Variants in PREX2 observed in about 807,000 individuals in gnomAD.
PREX2 encodes phosphatidylinositol 3,4,5-trisphosphate-dependent Rac exchanger 2 protein.
A neutral mutation model predicts 203.2 loss-of-function variants in PREX2; 107 were observed. The observed-to-expected ratio is 0.53, with a 90% CI of 0.45 to 0.62. The LOEUF is 0.62. PREX2 is among the 20% of genes least tolerant of loss of function. PREX2 has a pLI of 0.00. For missense variants in PREX2, 1,777 were observed against 1,955.9 expected (o/e 0.91, Z 1.72); for synonymous variants, 672 against 663.6 (o/e 1.01, Z -0.19).
intron 35 of PREX2, among the ~76,000 whole-genome samples, chr8:68,161,457 C>G (rs975971346): frequency 3.9e-5 from 6 of 152,172 alleles, no homozygotes; most frequent in African/African-American, 1.4e-4. Flanking sequence ...ATAGCACGCC[C>G]CAGATCCTGA....
chr8:68,158,706 T>C (rs1202115979), intron 35 of PREX2, among the ~76,000 whole-genome samples: 1 of 152,128 alleles, frequency 6.6e-6, no homozygotes, highest in African/African-American at 2.4e-5. Flanking sequence ...ACTAGGAGGA[T>C]GTAATTGCTG....
intron 24 of PREX2, chr8:68,108,911 TG>T: frequency 3.4e-6 from 1 of 296,604 alleles, no homozygotes; most frequent in Non-Finnish European, 6.7e-6. Flanking sequence ...TAAATGAACC[TG>T]GAAGATATTA....
intron 1 of PREX2, among the ~76,000 whole-genome samples, chr8:67,972,567 C>T (rs1388349135): frequency 3.3e-5 from 5 of 152,192 alleles, no homozygotes; most frequent in African/African-American, 1.2e-4. Flanking sequence ...TTTAACCATA[C>T]CTCTTAGTTC....
At chr8:68,072,402 A>G in intron 13 of PREX2, 93 bp from the exon 14 acceptor site, 1 of 670,922 alleles carries the variant, frequency 1.5e-6, no homozygotes, top group South Asian at 1.9e-5. Flanking sequence ...TCTGTTGCAT[A>G]TTGATACTAA....
intron 1 of PREX2, among the ~76,000 whole-genome samples, chr8:67,990,854 T>A (rs1164249797): frequency 6.6e-6 from 1 of 152,032 alleles, no homozygotes; most frequent in African/African-American, 2.4e-5. Flanking sequence ...GACCCATAAT[T>A]AGCCTTAAAG....
rs537644728 is a variant in PREX2 at position 68,085,002 on chromosome 8, A to T, written c.2027+1614A>T. ...TAGACTTAGTTGCTAGATGAGCAGA[A>T]TAGCAATCTGTGTCTTCTGACTCTT... On this transcript the variant is annotated intron_variant, in intron 18 of 39. Transcript: ENST00000288368. Among the ~76,000 whole-genome samples the T allele has an allele frequency of 6.4e-4, 98 of 152,316 alleles. 1 individual carries two copies. Among genetic ancestry groups the T allele is most frequent in the African/African-American group, 2.1e-3 (87 of 41,584 alleles).
chr8:68,223,641 A>T (rs1813001161), intron 38 of PREX2, among the ~76,000 whole-genome samples: 1 of 152,126 alleles, frequency 6.6e-6, no homozygotes, highest in Admixed American at 6.5e-5. Context: ...TCCAAACCCC[A>T]AACTCTGGTC....
intron 18 of PREX2, among the ~76,000 whole-genome samples, chr8:68,086,816 T>TA (rs1158276384): frequency 6.6e-6 from 1 of 152,186 alleles, no homozygotes; most frequent in Non-Finnish European, 1.5e-5. Context: ...TCTGATGTAT[T>TA]ATTCTTTTAA....
At chr8:68,088,427 C>T (rs754427578) in intron 19 of PREX2, among the ~76,000 whole-genome samples, 9 of 152,232 alleles carry the variant, frequency 5.9e-5, no homozygotes, top group Non-Finnish European at 8.8e-5. Flanking sequence ...AAGTAACTTG[C>T]GCCTATAGCA....
chr8:67,966,685 T>C (rs1201459560), intron 1 of PREX2, among the ~76,000 whole-genome samples: 1 of 152,156 alleles, frequency 6.6e-6, no homozygotes, highest in Non-Finnish European at 1.5e-5. Flanking sequence ...CAAAACCAAC[T>C]TTATTAAGTG....
At chr8:67,995,574 G>A (rs1224251769) in intron 1 of PREX2, among the ~76,000 whole-genome samples, 1 of 152,134 alleles carries the variant, frequency 6.6e-6, no homozygotes, top group Admixed American at 6.5e-5. Context: ...CAACGTGAGT[G>A]AAAAACTATT....
intron 33 of PREX2, among the ~76,000 whole-genome samples, chr8:68,145,061 G>T (rs1016905031): frequency 6.6e-6 from 1 of 151,874 alleles, no homozygotes; most frequent in African/African-American, 2.4e-5. Flanking sequence ...CGGATATTTA[G>T]TAGGTATAAA....
At chr8:68,163,393 TA>T (rs1811691187) in intron 35 of PREX2, among the ~76,000 whole-genome samples, 1 of 152,178 alleles carries the variant, frequency 6.6e-6, no homozygotes, top group South Asian at 2.1e-4. Context: ...GAAAATGTAA[TA>T]TTTTTAAAGA....
chr8:67,975,516 T>C (rs1806052080), intron 1 of PREX2, among the ~76,000 whole-genome samples: 1 of 151,832 alleles, frequency 6.6e-6, no homozygotes, highest in Non-Finnish European at 1.5e-5. Context: ...TTTCCAAGTA[T>C]GTAGTAATAT....
chr8:68,049,614 A>G (rs1808462592), intron 8 of PREX2, among the ~76,000 whole-genome samples: 2 of 152,144 alleles, frequency 1.3e-5, no homozygotes, highest in Non-Finnish European at 2.9e-5. Context: ...TTTGGAAGAA[A>G]TCAGTGACTA....
intron 37 of PREX2, among the ~76,000 whole-genome samples, chr8:68,206,198 GTC>G (rs2129615004): frequency 6.6e-6 from 1 of 152,254 alleles, no homozygotes; most frequent in East Asian, 1.9e-4. Flanking sequence ...ATATCACCTC[GTC>G]TCTCAGGGAC....
intron 1 of PREX2, among the ~76,000 whole-genome samples, chr8:68,014,546 G>A (rs1328150722): frequency 6.6e-6 from 1 of 152,132 alleles, no homozygotes; most frequent in African/African-American, 2.4e-5. Context: ...ACCCTTCAGA[G>A]ATTATTGTGA....
At chr8:68,145,466 G>A (rs545420760) in intron 33 of PREX2, among the ~76,000 whole-genome samples, 6 of 152,164 alleles carry the variant, frequency 3.9e-5, no homozygotes, top group South Asian at 2.1e-4. Context: ...ATTAAATGCC[G>A]ATTACATTTG....
intron 1 of PREX2, among the ~76,000 whole-genome samples, chr8:68,015,797 A>C (rs1807394495): frequency 6.6e-6 from 1 of 152,220 alleles, no homozygotes; most frequent in Non-Finnish European, 1.5e-5. Flanking sequence ...AAACAGAATA[A>C]TACTAATAAA....
Sources: gnomAD v4.1 joint callset for allele counts (sites outside exome capture counted in the v4.1 genomes callset) on GRCh38, gnomAD v4.1.1 for gene constraint, MANE v1.5 for transcripts, NCBI Gene and HGNC (gene_info 2026-07-23, HGNC 2026-07-21) for gene names.